Variants in ZBTB24 observed in about 807,000 individuals in gnomAD.
The protein encoded by ZBTB24 is zinc finger and BTB domain-containing protein 24.
In ZBTB24, 32 loss-of-function variants were observed where a neutral mutation model predicts 53.8. The observed-to-expected ratio is 0.60, with a 90% confidence interval of 0.45 to 0.80. ZBTB24 has a LOEUF of 0.80. Ranked by LOEUF, ZBTB24 falls within the 30% of genes least tolerant of loss-of-function variation. The pLI is 0.00. For missense variants in ZBTB24, 722 were observed against 837.1 expected (o/e 0.86, Z 1.70); for synonymous variants, 297 against 306.7 (o/e 0.97, Z 0.33).
chr6:109,465,913 C>G lies in ZBTB24; in HGVS notation c.2032G>C (p.Gly678Arg), dbSNP rs1192104303. 1 of 1,614,144 alleles carries G rather than the reference C, an allele frequency of 6.2e-7. No individual in the cohort carries two copies. Among genetic ancestry groups the G allele is most frequent in the East Asian group, 2.2e-5 (1 of 44,868 alleles). Residue 678 changes from glycine (G) to arginine (R), a missense_variant, in exon 7 of 7, where the codon GGT becomes CGT. Gly to Arg is a moderately radical substitution (Grantham distance 125). Coordinates refer to ENST00000230122, the MANE Select transcript of ZBTB24 (RefSeq NM_014797.3). ...ACGTGGTGAGTGGGTGGTGGCGGAC[C>G]AGGCTCCTGTGTCAGCTGCAGGTGC... Reference protein sequence around the residue: ...AQHLQLTQEPGPPPPTHHVPQ... With the variant: ...AQHLQLTQEPRPPPPTHHVPQ...
At chr6:109,472,162 C>T (rs889999751) in intron 5 of ZBTB24, among the ~76,000 whole-genome samples, 2 of 152,034 alleles carry the variant, frequency 1.3e-5, no homozygotes. Flanking sequence ...ACTCTGAATG[C>T]CCAGGGAGCA....
Position 109,465,449 on chromosome 6 carries a change from C to T in ZBTB24, c.*402G>A, listed in dbSNP as rs1269048621. On this transcript the variant is annotated 3_prime_UTR_variant, in exon 7 of 7. Coordinates refer to ENST00000230122, the MANE Select transcript of ZBTB24 (RefSeq NM_014797.3). ...AAGAAAATAGAACAAACCATTCTGC[C>T]CAGTTCAACCAAAATGACTCCCTTT... 6 of 594,438 alleles carry T rather than the reference C, an allele frequency of 1.0e-5. No homozygotes were observed. The highest frequency in any genetic ancestry group is 1.8e-5 in the Non-Finnish European group (6 of 339,386). The allele number at this position is 594,438 out of a possible 1,614,324, so 36.8% of individuals were successfully genotyped here.
intron 2 of ZBTB24, among the ~76,000 whole-genome samples, chr6:109,479,319 T>A (rs1410255078): frequency 6.6e-6 from 1 of 152,214 alleles, no homozygotes; most frequent in African/African-American, 2.4e-5. Flanking sequence ...AATGCACTTA[T>A]ACAGAGTACT....
At position 109,463,471 on chromosome 6, in the gene ZBTB24, A is replaced by G. The variant is rs1267960860; in HGVS notation, c.*2380T>C. The stretch of plus-strand genomic sequence containing the variant: ...GTCCAATATAGCAGCCACTAGCCAC[A>G]TGTGCTTATCAAGCATTTGCACTGT... On this transcript the variant is annotated 3_prime_UTR_variant, in exon 7 of 7. Transcript: ENST00000230122. The G allele has an allele frequency of 6.6e-6, 1 of 152,228 alleles. No individual in the cohort carries two copies. Among genetic ancestry groups the G allele is most frequent in the Non-Finnish European group, 1.5e-5 (1 of 68,038 alleles). The allele number at this position is 152,228 out of a possible 1,614,324, so 9.4% of individuals were successfully genotyped here. A position where few individuals can be genotyped will look rare whatever the true frequency, so the allele number is the denominator to read the frequency against.
At chr6:109,476,153 A>C in intron 4 of ZBTB24, 22 bp downstream of exon 4, 1 of 1,611,956 alleles carries the variant, frequency 6.2e-7, no homozygotes, top group Non-Finnish European at 8.5e-7. Flanking sequence ...CCCCCAATCT[A>C]AATGTTCTCA....
chr6:109,476,754 C>G lies in ZBTB24; in HGVS notation c.1120+9G>C. ...TGGTGAAGCTGGCCCTCTGGGCAAG[C>G]CCCACTACCTGAGTGCAGGCTCATG... On this transcript the variant is annotated intron_variant, in intron 3 of 6. Coordinates refer to ENST00000230122, the MANE Select transcript of ZBTB24 (RefSeq NM_014797.3). 1 of 1,611,934 alleles carries G rather than the reference C, an allele frequency of 6.2e-7. No individual in the cohort carries two copies. The highest frequency in any genetic ancestry group is 8.5e-7 in the Non-Finnish European group (1 of 1,179,700).
At chr6:109,482,276 G>A (rs1275437072) in intron 1 of ZBTB24, among the ~76,000 whole-genome samples, 3 of 152,034 alleles carry the variant, frequency 2.0e-5, no homozygotes, top group African/African-American at 7.2e-5. Context: ...GACCAGCCTG[G>A]GCAACATGGA....
At chr6:109,478,519 C>A (rs887537760) in intron 2 of ZBTB24, among the ~76,000 whole-genome samples, 8 of 152,024 alleles carry the variant, frequency 5.3e-5, no homozygotes, top group African/African-American at 1.9e-4. Context: ...GGAACAAGGT[C>A]ACAGTTTTAC....
chr6:109,483,025 G>A (rs992647191), intron 1 of ZBTB24, 73 bp downstream of exon 1: 2 of 152,202 alleles, frequency 1.3e-5, no homozygotes, highest in African/African-American at 4.8e-5. Context: ...GGAGCACACG[G>A]CGGGGGAGGG....
intron 5 of ZBTB24, among the ~76,000 whole-genome samples, chr6:109,470,110 C>T (rs577686625): frequency 3.3e-5 from 5 of 152,190 alleles, no homozygotes; most frequent in African/African-American, 9.6e-5. Context: ...AGGAGGCAGA[C>T]GGAGAAGGAT....
intron 2 of ZBTB24, among the ~76,000 whole-genome samples, chr6:109,479,505 G>A (rs1338559561): frequency 1.3e-5 from 2 of 152,230 alleles, no homozygotes; most frequent in Non-Finnish European, 2.9e-5. Flanking sequence ...AAGATGAATT[G>A]AACCATTGTG....
Position 109,465,765 on chromosome 6 carries a change from T to C in ZBTB24, c.*86A>G. 1 of 1,613,398 alleles carries C rather than the reference T, an allele frequency of 6.2e-7. No individual in the cohort carries two copies. The highest frequency in any genetic ancestry group is 8.5e-7 in the Non-Finnish European group (1 of 1,179,906). On this transcript the variant is annotated 3_prime_UTR_variant, in exon 7 of 7. Coordinates refer to ENST00000230122, the MANE Select transcript of ZBTB24 (RefSeq NM_014797.3). ...CAGAAGCATCTGCAAGTCAATGGTG[T>C]GGAGAGCCTGATTTCAAGCGTTCAA...
Position 109,481,832 on chromosome 6 carries a change from C to T in ZBTB24, c.195G>A (p.Met65Ile), listed in dbSNP as rs754269906. 1.9e-6 allele frequency: 3 copies of T among 1,614,124 alleles called. No homozygotes were observed. The highest frequency in any genetic ancestry group is 1.3e-5 in the African/African-American group (1 of 74,938). Reference sequence around the variant, plus strand: ...GGCCGATTTCCCCCTCTTCTGCAAACATCATTGAGAAGTATTCACTACTGG... The same window carrying T: ...GGCCGATTTCCCCCTCTTCTGCAAATATCATTGAGAAGTATTCACTACTGG... The part of the protein sequence containing the change: ...LAASSEYFSM[M>I]FAEEGEIGQS... The change falls in exon 2 of 7, where the codon ATG becomes ATA. Residue 65 changes from methionine (M) to isoleucine (I), a missense_variant. Met to Ile is a conservative substitution (Grantham distance 10, BLOSUM62 1). Coordinates refer to ENST00000230122, the MANE Select transcript of ZBTB24 (RefSeq NM_014797.3).
rs1460262217 is a variant in ZBTB24 at position 109,465,334 on chromosome 6, T to C, written c.*517A>G. The C allele has an allele frequency of 3.0e-6, 1 of 331,308 alleles. No homozygotes were observed. Among genetic ancestry groups the C allele is most frequent in the African/African-American group, 2.1e-5 (1 of 47,176 alleles). 20.5% of individuals were successfully genotyped at this position (331,308 alleles called of 1,614,324 possible). On this transcript the variant is annotated 3_prime_UTR_variant, in exon 7 of 7. Coordinates refer to ENST00000230122, the MANE Select transcript of ZBTB24 (RefSeq NM_014797.3). ...TACTTTGTCTTAGGGGACTGGAAAT[T>C]ATTAAAAGGGCAAATTCCCCATACA...
intron 6 of ZBTB24, among the ~76,000 whole-genome samples, chr6:109,467,227 G>T (rs1272083060): frequency 6.6e-6 from 1 of 152,060 alleles, no homozygotes; most frequent in African/African-American, 2.4e-5. Flanking sequence ...TTATTGAAAA[G>T]ATAAAACAAA....
chr6:109,482,498 G>GTT (rs773867934), intron 1 of ZBTB24, among the ~76,000 whole-genome samples: 73 of 144,202 alleles, frequency 5.1e-4, no homozygotes, highest in South Asian at 3.1e-3. Flanking sequence ...TTAGCTCGCG[G>GTT]TTTTTTTTTT....
Position 109,475,437 on chromosome 6 carries a change from T to G in ZBTB24, c.1250A>C (p.Asp417Ala). ...ECKDCHRKFMDVSQLKKHLRT... is the reference protein window; with the variant it reads ...ECKDCHRKFMAVSQLKKHLRT... Reference sequence around the variant, plus strand: ...CAGATGTTTCTTTAGCTGAGACACATCCATGAATTTGCGATGGCAGTCTTT... The same window carrying G: ...CAGATGTTTCTTTAGCTGAGACACAGCCATGAATTTGCGATGGCAGTCTTT... Residue 417 changes from aspartate (D) to alanine (A), a missense_variant, in exon 5 of 7, where the codon GAT becomes GCT. Transcript: ENST00000230122. 2 of 1,614,214 alleles carry G rather than the reference T, an allele frequency of 1.2e-6. No homozygotes were observed. The highest frequency in any genetic ancestry group is 1.7e-6 in the Non-Finnish European group (2 of 1,180,036).
At chr6:109,471,435 G>A (rs926524819) in intron 5 of ZBTB24, among the ~76,000 whole-genome samples, 2 of 152,234 alleles carry the variant, frequency 1.3e-5, no homozygotes, top group Non-Finnish European at 2.9e-5. Flanking sequence ...CAGTTGAAGA[G>A]ATTTGGGAAG....
At chr6:109,475,063 A>G (rs907793169) in intron 5 of ZBTB24, among the ~76,000 whole-genome samples, 5 of 151,094 alleles carry the variant, frequency 3.3e-5, no homozygotes, top group African/African-American at 9.7e-5. Context: ...AAAAAAAAAA[A>G]GTCTTGATAT....
Sources: allele counts gnomAD v4.1 joint callset (sites outside exome capture counted in the v4.1 genomes callset), GRCh38; gene constraint gnomAD v4.1.1; transcripts MANE v1.5; gene names NCBI Gene and HGNC (gene_info 2026-07-23, HGNC 2026-07-21).